Variants in NDE1 observed in about 807,000 individuals in gnomAD.
NDE1 encodes nudE neurodevelopment protein 1, also known as nuclear distribution protein nudE homolog 1.
NDE1 carries 28 observed loss-of-function variants against 43.4 expected under a neutral mutation model. The observed-to-expected ratio is 0.65, with a 90% CI of 0.48 to 0.89. NDE1 has a LOEUF of 0.89. Among genes scored for constraint, NDE1 ranks in the 40% least tolerant of loss-of-function variants. The pLI is 0.00. For missense variants in NDE1, 441 were observed against 434.1 expected, an observed-to-expected ratio of 1.02 and a Z score of -0.14; for synonymous variants, 184 against 172.0, an observed-to-expected ratio of 1.07 and a Z score of -0.55.
intron 8 of NDE1, chr16:15,719,249 T>TGCCAGTTCCTCC: frequency 3.7e-6 from 6 of 1,613,642 alleles, no homozygotes; most frequent in Non-Finnish European, 5.1e-6. Context: ...CCAGCTCCTC[T>TGCCAGTTCCTCC]GCCAGTTCCT....
chr16:15,685,779 G>A (rs1567647256), intron 4 of NDE1, among the ~76,000 whole-genome samples: 1 of 152,154 alleles, frequency 6.6e-6, no homozygotes, highest in Non-Finnish European at 1.5e-5. Context: ...GGTGGAGGAG[G>A]AGCTGGGTGT....
intron 8 of NDE1, chr16:15,717,395 G>C (rs763827908): frequency 6.3e-7 from 1 of 1,591,054 alleles, no homozygotes; most frequent in East Asian, 2.2e-5. Context: ...GGAAGCCCAA[G>C]AGAGCGCACT....
chr16:15,656,013 A>G (rs991672444), intron 1 of NDE1, among the ~76,000 whole-genome samples: 3 of 149,318 alleles, frequency 2.0e-5, no homozygotes, highest in African/African-American at 7.4e-5. Flanking sequence ...TAGCATTGGG[A>G]GATATACCTA....
In NDE1 at chr16:15,717,248, C is replaced by G. The variant is rs776016983; in HGVS notation, c.948-6943C>G. ...GGCCCCCTCCATCTCGTGGAGCTTG[C>G]TCCGGAGCTCCTTGTTCTGCCGCTC... On this transcript the variant is annotated intron_variant, in intron 8 of 8. Transcript: ENST00000396354. 2 of 1,614,188 alleles carry G rather than the reference C, an allele frequency of 1.2e-6. No individual in the cohort carries two copies. The highest frequency in any genetic ancestry group is 4.5e-5 in the East Asian group (2 of 44,884).
chr16:15,704,151 T>G, intron 8 of NDE1: 1 of 1,613,262 alleles, frequency 6.2e-7, no homozygotes, highest in Non-Finnish European at 8.5e-7. Context: ...ACACATTATT[T>G]AGCAAAGAAA....
chr16:15,708,904 A>G (rs1021701944), intron 8 of NDE1: 16 of 1,462,664 alleles, frequency 1.1e-5, no homozygotes, highest in Non-Finnish European at 1.5e-5. Context: ...CCGGTTAAGT[A>G]TATTCTTAAT....
At chr16:15,695,770 C>T (rs1187297303) in intron 7 of NDE1, 1 of 920,882 alleles carries the variant, frequency 1.1e-6, no homozygotes, top group African/African-American at 1.8e-5. Flanking sequence ...GTTTGCTATT[C>T]TAGAAGCAGG....
chr16:15,673,249 A>T (rs2037691919), intron 3 of NDE1, among the ~76,000 whole-genome samples: 2 of 151,866 alleles, frequency 1.3e-5, no homozygotes, highest in Admixed American at 1.3e-4. Flanking sequence ...GGTCTCTGTC[A>T]CCCAAGCTGG....
At chr16:15,683,122 C>T (rs1303324714) in intron 4 of NDE1, among the ~76,000 whole-genome samples, 1 of 152,000 alleles carries the variant, frequency 6.6e-6, no homozygotes, top group African/African-American at 2.4e-5. Context: ...GTTGGGATTA[C>T]AAGCATGAGC....
upstream of NDE1, chr16:15,649,338 GTTCT>G (rs906389088): frequency 2.0e-5 from 3 of 151,940 alleles, no homozygotes; most frequent in Admixed American, 6.6e-5. Context: ...TTGTTTGTCT[GTTCT>G]TTAAGACGGA....
At chr16:15,668,619 A>G (rs2037436457) in intron 3 of NDE1, among the ~76,000 whole-genome samples, 1 of 152,182 alleles carries the variant, frequency 6.6e-6, no homozygotes, top group Non-Finnish European at 1.5e-5. Flanking sequence ...CAGGTCCAAT[A>G]TTGTAGCCCT....
chr16:15,694,326 C>A (rs1472320991), intron 7 of NDE1, 70 bp downstream of exon 7: 1 of 1,580,824 alleles, frequency 6.3e-7, no homozygotes, highest in East Asian at 2.4e-5. Context: ...GGGGGTTGAT[C>A]TAGTTCCTTC....
At chr16:15,717,093 T>C in intron 8 of NDE1, 1 of 1,594,074 alleles carries the variant, frequency 6.3e-7, no homozygotes, top group Non-Finnish European at 8.6e-7. Flanking sequence ...ACTCCTGCTG[T>C]CCATCACCCC....
At chr16:15,696,910 C>T (rs1344989647) in intron 8 of NDE1, 50 bp downstream of exon 8, 2 of 1,601,070 alleles carry the variant, frequency 1.2e-6, no homozygotes, top group Non-Finnish European at 8.5e-7. Flanking sequence ...CCCGCCTGCC[C>T]CAGGCAAGAG....
intron 3 of NDE1, among the ~76,000 whole-genome samples, chr16:15,674,510 A>G (rs1344448940): frequency 2.0e-5 from 3 of 151,842 alleles, no homozygotes; most frequent in Non-Finnish European, 4.4e-5. Flanking sequence ...CAGCCTCCCA[A>G]ATTGCTGGGA....
At chr16:15,703,790 G>A (rs2039308103) in intron 8 of NDE1, 1 of 698,448 alleles carries the variant, frequency 1.4e-6, no homozygotes. Context: ...GTTTTACTAC[G>A]TTGCCCAGGC....
At position 15,724,826 on chromosome 16, in the gene NDE1, A is replaced by C; in HGVS notation, c.*575A>C. 5.6e-6 allele frequency: 9 copies of C among 1,613,708 alleles called. No homozygotes were observed. Among genetic ancestry groups the C allele is most frequent in the Non-Finnish European group, 5.1e-6 (6 of 1,179,980 alleles). Reference sequence around the variant, plus strand: ...TGCAAAAGGGATGCAAAGAGGTCCCAGGGACCTGCCCCGAGGAAGGCCACC... The same window carrying C: ...TGCAAAAGGGATGCAAAGAGGTCCCCGGGACCTGCCCCGAGGAAGGCCACC... On this transcript the variant is annotated 3_prime_UTR_variant, in exon 9 of 9. Coordinates refer to ENST00000396354, the MANE Select transcript of NDE1 (RefSeq NM_017668.3).
chr16:15,656,708 T>C (rs2036785067), intron 1 of NDE1, among the ~76,000 whole-genome samples: 1 of 151,982 alleles, frequency 6.6e-6, no homozygotes, highest in South Asian at 2.1e-4. Context: ...GCCCAGCTAA[T>C]TTTTGTATTT....
chr16:15,718,292 T>C, intron 8 of NDE1: 1 of 1,607,438 alleles, frequency 6.2e-7, no homozygotes. Context: ...GCAGCGTGAC[T>C]GTGGTGTCCA....
Sources: gnomAD v4.1 joint callset for allele counts (sites outside exome capture counted in the v4.1 genomes callset) on GRCh38, gnomAD v4.1.1 for gene constraint, MANE v1.5 for transcripts, NCBI Gene and HGNC (gene_info 2026-07-23, HGNC 2026-07-21) for gene names.